Variants in MTREX observed in about 807,000 individuals in gnomAD.
The protein encoded by MTREX is Mtr4 exosome RNA helicase.
In MTREX, 76 loss-of-function variants were observed where a neutral mutation model predicts 135.4. The observed-to-expected ratio is 0.56, with a 90% CI of 0.47 to 0.68. The LOEUF (loss-of-function observed/expected upper bound fraction) is 0.68, where lower values mean the gene tolerates loss of function less well. Among genes scored for constraint, MTREX ranks in the 30% least tolerant of loss-of-function variants. MTREX has a pLI of 0.00. For synonymous variants in MTREX, 404 were observed against 401.6 expected (o/e 1.01, Z -0.07); for missense variants, 920 against 1,262.1 (o/e 0.73, Z 4.11).
chr5:55,362,066 A>G (rs986892066), intron 15 of MTREX, among the ~76,000 whole-genome samples: 3 of 141,644 alleles, frequency 2.1e-5, no homozygotes, highest in Non-Finnish European at 4.6e-5. Flanking sequence ...ACAGGCATGC[A>G]CCACCACGTC....
chr5:55,344,494 T>C (rs776558500), intron 8 of MTREX, 28 bp from the exon 9 acceptor site: 14 of 1,450,012 alleles, frequency 9.7e-6, no homozygotes, highest in Non-Finnish European at 4.8e-6. Context: ...AAATAAAATT[T>C]TGTATGTTTA....
chr5:55,334,819 T>C (rs1749529951), intron 5 of MTREX, among the ~76,000 whole-genome samples: 1 of 152,100 alleles, frequency 6.6e-6, no homozygotes, highest in South Asian at 2.1e-4. Flanking sequence ...TGCAAGTCTT[T>C]AAGTGGACCT....
At chr5:55,323,803 C>G (rs1340211009) in intron 2 of MTREX, among the ~76,000 whole-genome samples, 1 of 152,136 alleles carries the variant, frequency 6.6e-6, no homozygotes, top group Admixed American at 6.5e-5. Context: ...TTATAACCAG[C>G]TTATGTTTTG....
At chr5:55,312,686 A>G (rs1749134034) in intron 1 of MTREX, among the ~76,000 whole-genome samples, 1 of 152,144 alleles carries the variant, frequency 6.6e-6, no homozygotes, top group South Asian at 2.1e-4. Flanking sequence ...ATTCTGTTTT[A>G]TGCATATACC....
chr5:55,391,475 A>G (rs554106585), intron 19 of MTREX, among the ~76,000 whole-genome samples: 21 of 152,286 alleles, frequency 1.4e-4, no homozygotes, highest in Admixed American at 1.1e-3. Context: ...GTCTAAAAAA[A>G]CATAGTAGAG....
At chr5:55,361,468 A>G (rs1326539731) in intron 15 of MTREX, among the ~76,000 whole-genome samples, 2 of 152,216 alleles carry the variant, frequency 1.3e-5, no homozygotes, top group African/African-American at 2.4e-5. Flanking sequence ...GCATGTAAAT[A>G]ATTTAATGAT....
At chr5:55,401,806 A>G (rs1197814449) in intron 21 of MTREX, among the ~76,000 whole-genome samples, 1 of 152,210 alleles carries the variant, frequency 6.6e-6, no homozygotes, top group Non-Finnish European at 1.5e-5. Flanking sequence ...TGACGTGAAC[A>G]CAATCCTTTC....
chr5:55,343,201 T>A, intron 7 of MTREX, 130 bp from the exon 8 acceptor site: 1 of 800,776 alleles, frequency 1.2e-6, no homozygotes. Flanking sequence ...TAAGGTTCTG[T>A]GGCTTAAAAT....
intron 1 of MTREX, among the ~76,000 whole-genome samples, chr5:55,317,077 A>C (rs1165913260): frequency 6.6e-6 from 1 of 152,160 alleles, no homozygotes; most frequent in Non-Finnish European, 1.5e-5. Context: ...AAATACAGCT[A>C]ACCAGGGAGG....
intron 13 of MTREX, among the ~76,000 whole-genome samples, chr5:55,351,330 C>T (rs1579863878): frequency 6.6e-6 from 1 of 151,998 alleles, no homozygotes; most frequent in Admixed American, 6.6e-5. Context: ...GTCGGGAGTT[C>T]GAGACCAGCC....
chr5:55,400,136 A>G (rs528010129), intron 20 of MTREX, 97 bp from the exon 21 acceptor site: 1 of 832,748 alleles, frequency 1.2e-6, no homozygotes, highest in Non-Finnish European at 1.8e-6. Flanking sequence ...TATACTTTTT[A>G]TGTCCATGTG....
chr5:55,317,056 A>G (rs1188764904), intron 1 of MTREX, among the ~76,000 whole-genome samples: 2 of 152,138 alleles, frequency 1.3e-5, no homozygotes, highest in Admixed American at 1.3e-4. Flanking sequence ...TCCCACACAC[A>G]CACACCCTAG....
chr5:55,326,545 A>G (rs1233384804), intron 3 of MTREX, among the ~76,000 whole-genome samples: 1 of 152,140 alleles, frequency 6.6e-6, no homozygotes, highest in African/African-American at 2.4e-5. Flanking sequence ...TCCTCTTCAC[A>G]GGCTTGAGGA....
At chr5:55,317,999 G>T (rs758053710) in intron 1 of MTREX, among the ~76,000 whole-genome samples, 7 of 152,142 alleles carry the variant, frequency 4.6e-5, no homozygotes, top group Non-Finnish European at 8.8e-5. Context: ...CATACATGGG[G>T]CCAGAAAGCA....
intron 1 of MTREX, 64 bp from the exon 2 acceptor site, chr5:55,322,263 A>G: frequency 1.4e-6 from 2 of 1,407,118 alleles, no homozygotes; most frequent in South Asian, 1.4e-5. Flanking sequence ...GCAGTATTTT[A>G]TGATGTTGCC....
In MTREX at chr5:55,405,606, T is replaced by C. The variant is rs1238292603; in HGVS notation, c.2645+18T>C. ...ATAAGCAGGTAAAATCTGGTTATTG[T>C]TCTAGAAAGTTCATTTTTTTTTTCA... On this transcript the variant is annotated intron_variant, in intron 22 of 26. Transcript: ENST00000230640. The C allele has an allele frequency of 2.6e-6, 4 of 1,551,404 alleles. No homozygotes were observed. Among genetic ancestry groups the C allele is most frequent in the Non-Finnish European group, 3.5e-6 (4 of 1,151,068 alleles).
intron 1 of MTREX, among the ~76,000 whole-genome samples, chr5:55,315,837 A>G (rs1749189677): frequency 6.6e-6 from 1 of 150,638 alleles, no homozygotes; most frequent in Admixed American, 6.6e-5. Flanking sequence ...GCCACCCTGG[A>G]TGATACAGCT....
At position 55,383,776 on chromosome 5, in the gene MTREX, T is replaced by A. The variant is rs1750434968; in HGVS notation, c.2053-4198T>A. On this transcript the variant is annotated intron_variant, in intron 18 of 26. Transcript: ENST00000230640. ...TTCAGCCACTATTTCTGTTTTTGTT[T>A]TGTCATTTTTAGAGACAGGGTCTCA... is the stretch of plus-strand genomic sequence containing the variant. Among the ~76,000 whole-genome samples the A allele has an allele frequency of 2.0e-5, 3 of 152,206 alleles. No homozygotes were observed. In the South Asian group the frequency reaches 6.2e-4, roughly 31 times the overall value.
chr5:55,413,335 C>CA (rs34179127), intron 23 of MTREX, among the ~76,000 whole-genome samples: 8,562 of 84,198 alleles, frequency 0.1, 454 homozygotes, highest in African/African-American at 0.19. Flanking sequence ...GACTCTGTCT[C>CA]AAAAAAAAAA....
Sources: gnomAD v4.1 joint callset for allele counts (sites outside exome capture counted in the v4.1 genomes callset) on GRCh38, gnomAD v4.1.1 for gene constraint, MANE v1.5 for transcripts, NCBI Gene and HGNC (gene_info 2026-07-23, HGNC 2026-07-21) for gene names.